Variants in ZNF362 observed in about 807,000 individuals in gnomAD.
ZNF362 encodes zinc finger protein 362.
ZNF362 carries 11 observed loss-of-function variants against 42.9 expected under a neutral mutation model. The observed-to-expected ratio is 0.26, with a 90% confidence interval of 0.16 to 0.42. The LOEUF (loss-of-function observed/expected upper bound fraction) is 0.42, where lower values mean the gene tolerates loss of function less well. Among genes scored for constraint, ZNF362 ranks in the 20% least tolerant of loss-of-function variants. The pLI is 1.00. For synonymous variants in ZNF362, 255 were observed against 257.3 expected, an observed-to-expected ratio of 0.99 and a Z score of 0.09; for missense variants, 362 against 576.2, an observed-to-expected ratio of 0.63 and a Z score of 3.81.
Position 33,280,212 on chromosome 1 carries a change from C to G in ZNF362, c.438C>G (p.Ser146=). The part of the protein sequence containing the change: ...AGTGTGTSTP[S]TPTTTSQSRL... ...CGGGCACGGGTACCAGCACCCCGTC[C>G]ACACCCACCACCACCAGCCAGAGCC... is the stretch of plus-strand genomic sequence containing the variant. The change falls in exon 5 of 9, where the codon TCC becomes TCG. Residue 146 remains serine, a synonymous_variant. Transcript: ENST00000539719. The surrounding 1 kb of genome is among the most constrained non-coding windows in gnomAD (Gnocchi z 5.6). 6.2e-7 allele frequency: 1 copy of G among 1,613,930 alleles called. No individual in the cohort carries two copies. The highest frequency in any genetic ancestry group is 1.1e-5 in the South Asian group (1 of 91,076).
At chr1:33,160,012 G>A in the ZNF362 span, 1 of 1,561,780 alleles carries the variant, frequency 6.4e-7, no homozygotes, top group Non-Finnish European at 8.7e-7. Flanking sequence ...GTGAGAGGAG[G>A]AAATCGAGAG....
chr1:33,221,373 G>A, the ZNF362 span, among the ~76,000 whole-genome samples: 1 of 152,240 alleles, frequency 6.6e-6, no homozygotes, highest in Non-Finnish European at 1.5e-5. Context: ...TGCACAGTGA[G>A]TTTCAGGCAC....
At chr1:33,251,221 G>C in the ZNF362 span, among the ~76,000 whole-genome samples, 1 of 152,170 alleles carries the variant, frequency 6.6e-6, no homozygotes, top group African/African-American at 2.4e-5. Context: ...AACATGCTGG[G>C]GATACAATGT....
At chr1:33,250,880 G>GAAGAAGAAGAAGAAGAAGA in the ZNF362 span, among the ~76,000 whole-genome samples, 2 of 151,878 alleles carry the variant, frequency 1.3e-5, no homozygotes, top group East Asian at 1.9e-4. Flanking sequence ...AGAAGAAGAA[G>GAAGAAGAAGAAGAAGAAGA]AAGAAGAAGA....
At chr1:33,265,874 C>T (rs1457611780) in intron 1 of ZNF362, among the ~76,000 whole-genome samples, 1 of 152,196 alleles carries the variant, frequency 6.6e-6, no homozygotes, top group Non-Finnish European at 1.5e-5. Flanking sequence ...GCTCCAGCCA[C>T]CCCACCCTTC....
the ZNF362 span, chr1:33,145,861 AG>A: frequency 2.1e-6 from 1 of 471,158 alleles, no homozygotes; most frequent in African/African-American, 2.0e-5. Flanking sequence ...ACTTCCTTCT[AG>A]GGAAATGACA....
At chr1:33,193,149 T>C in the ZNF362 span, among the ~76,000 whole-genome samples, 6 of 151,904 alleles carry the variant, frequency 3.9e-5, no homozygotes, top group Admixed American at 1.3e-4. Context: ...AAAAGTACAT[T>C]AAAAAATATA....
the ZNF362 span, among the ~76,000 whole-genome samples, chr1:33,230,581 G>A: frequency 6.6e-6 from 1 of 152,214 alleles, no homozygotes; most frequent in East Asian, 1.9e-4. Flanking sequence ...GTGTTCGCAC[G>A]TGCAGACATT....
chr1:33,174,348 A>AT, the ZNF362 span, among the ~76,000 whole-genome samples: 1 of 151,926 alleles, frequency 6.6e-6, no homozygotes, highest in South Asian at 2.1e-4. Context: ...TGCCCAGCTA[A>AT]TTTTTTTGCA....
At chr1:33,213,875 A>AC in the ZNF362 span, among the ~76,000 whole-genome samples, 2 of 151,956 alleles carry the variant, frequency 1.3e-5, no homozygotes, top group African/African-American at 4.8e-5. Flanking sequence ...AACAAAACAA[A>AC]ACAAAAAAAA....
chr1:33,204,074 T>C, the ZNF362 span, among the ~76,000 whole-genome samples: 1 of 152,212 alleles, frequency 6.6e-6, no homozygotes, highest in South Asian at 2.1e-4. Context: ...GCTTTTCCTC[T>C]GTGTTTTCTT....
chr1:33,158,829 GTTTTTTTCT>G, the ZNF362 span, among the ~76,000 whole-genome samples: 10 of 151,554 alleles, frequency 6.6e-5, no homozygotes, highest in Admixed American at 2.0e-4. Context: ...CAGAGCCTCA[GTTTTTTTCT>G]TTTTTTTCTT....
At chr1:33,189,722 TACACACATACAC>T in the ZNF362 span, among the ~76,000 whole-genome samples, 6 of 102,942 alleles carry the variant, frequency 5.8e-5, no homozygotes, top group East Asian at 3.0e-4. Flanking sequence ...TATATATACA[TACACACATACAC>T]ATATATATAT....
At position 33,283,788 on chromosome 1, in the gene ZNF362, C is replaced by G. The variant is rs569385866; in HGVS notation, c.908+1977C>G. Among the ~76,000 whole-genome samples, 8 of 152,292 alleles carry G rather than the reference C, an allele frequency of 5.3e-5. No homozygotes were observed. The South Asian group carries it at 1.7e-3, about 32-fold the overall frequency. ...GTCTGTTTTCTCGTTACCATGCCTC[C>G]CAAGGCACAAGTCTGACCATGTAAG... On this transcript the variant is annotated intron_variant, in intron 6 of 8. Coordinates refer to ENST00000539719, the MANE Select transcript of ZNF362 (RefSeq NM_152493.3).
At chr1:33,257,682 G>T (rs976265727) in intron 1 of ZNF362, among the ~76,000 whole-genome samples, 3 of 152,046 alleles carry the variant, frequency 2.0e-5, no homozygotes, top group African/African-American at 7.2e-5. Flanking sequence ...CTGGGGGAGA[G>T]GGCCGGCAAG....
intron 6 of ZNF362, among the ~76,000 whole-genome samples, chr1:33,289,233 G>A (rs1646056800): frequency 2.0e-5 from 3 of 152,240 alleles, no homozygotes; most frequent in Admixed American, 1.3e-4. Context: ...ATCTGCATGT[G>A]TGTTGGGGGA....
the ZNF362 span, among the ~76,000 whole-genome samples, chr1:33,208,933 G>T: frequency 6.6e-6 from 1 of 152,108 alleles, no homozygotes. Flanking sequence ...CTGCCTGATT[G>T]CCCTGGCCAG....
At chr1:33,284,662 A>C (rs1646019465) in intron 6 of ZNF362, among the ~76,000 whole-genome samples, 1 of 152,198 alleles carries the variant, frequency 6.6e-6, no homozygotes, top group African/African-American at 2.4e-5. Flanking sequence ...AGAAGGAAGA[A>C]GGCACCATTT....
chr1:33,261,943 G>A (rs1422707169), intron 1 of ZNF362, among the ~76,000 whole-genome samples: 1 of 152,222 alleles, frequency 6.6e-6, no homozygotes, highest in East Asian at 1.9e-4. Flanking sequence ...TAGTGCAGAA[G>A]CTACCCCTGT....
Sources: gnomAD v4.1 joint callset for allele counts (sites outside exome capture counted in the v4.1 genomes callset) on GRCh38, gnomAD v4.1.1 for gene constraint, Gnocchi (gnomAD v3.1) non-coding constraint, MANE v1.5 for transcripts, NCBI Gene and HGNC (gene_info 2026-07-23, HGNC 2026-07-21) for gene names.